The following MCPH1 variants were observed in gnomAD, a reference collection of about 807,000 sequenced individuals.
The protein encoded by MCPH1 is microcephalin 1.
MCPH1 carries 104 observed loss-of-function variants against 84.5 expected under a neutral mutation model. The ratio of observed to expected loss-of-function variants is 1.23; its 90% CI spans 1.05 to 1.45. The LOEUF (loss-of-function observed/expected upper bound fraction) is 1.45, where lower values mean the gene tolerates loss of function less well. MCPH1 is among the 40% of genes most tolerant of loss of function. The probability of loss-of-function intolerance (pLI) is 0.00; values close to 1 mark genes in which losing one functional copy is unlikely to be tolerated. For missense variants in MCPH1, 1,498 were observed against 1,005.7 expected (o/e 1.49, Z -6.62); for synonymous variants, 514 against 366.8 (o/e 1.40, Z -4.58).
chr8:6,631,572 A>G (rs961551897), intron 13 of MCPH1, among the ~76,000 whole-genome samples: 4 of 152,066 alleles, frequency 2.6e-5, no homozygotes, highest in African/African-American at 9.7e-5. Flanking sequence ...GATGCTTAAC[A>G]TTACTAATCA....
In MCPH1 at chr8:6,499,890, G is replaced by A. The variant is rs3860875; in HGVS notation, c.2175G>A (p.Glu725=). ...TAGAATTGGGTCACTGGATTTCTGA[G>A]GAGCCGTTCGAACTGTCTCACCACT... is the stretch of plus-strand genomic sequence containing the variant. The part of the protein sequence containing the change: ...WSLELGHWIS[E]EPFELSHHFP... The change falls in exon 12 of 14, where the codon GAG becomes GAA. Residue 725 remains glutamate (E), a synonymous_variant. Coordinates refer to ENST00000344683, the MANE Select transcript of MCPH1 (RefSeq NM_024596.5). 2 of 1,613,572 alleles carry A rather than the reference G, an allele frequency of 1.2e-6. No homozygotes were observed. The highest frequency in any genetic ancestry group is 2.2e-5 in the East Asian group (1 of 44,866).
chr8:6,424,465 C>A (rs1442235823), intron 3 of MCPH1, among the ~76,000 whole-genome samples: 1 of 152,154 alleles, frequency 6.6e-6, no homozygotes, highest in Non-Finnish European at 1.5e-5. Context: ...CCTTTCCTCC[C>A]GGAATCCTCA....
At chr8:6,477,099 A>G (rs1326236757) in intron 9 of MCPH1, among the ~76,000 whole-genome samples, 1 of 152,106 alleles carries the variant, frequency 6.6e-6, no homozygotes, top group Non-Finnish European at 1.5e-5. Flanking sequence ...AGATGTCAAT[A>G]GAACAAATAA....
intron 8 of MCPH1, 65 bp downstream of exon 8, chr8:6,445,612 T>G: frequency 7.9e-6 from 12 of 1,514,714 alleles, no homozygotes; most frequent in Non-Finnish European, 1.1e-5. Context: ...ATCCATATTT[T>G]AAATTTATCA....
In MCPH1 at chr8:6,547,387, G is replaced by T. The variant is rs17077477; in HGVS notation, c.2214+47458G>T. Among the ~76,000 whole-genome samples, 949 of 152,094 alleles carry T rather than the reference G, an allele frequency of 6.2e-3. 13 individuals are homozygous for T. Among genetic ancestry groups the T allele is most frequent in the African/African-American group, 0.021 (865 of 41,488 alleles). On this transcript the variant is annotated intron_variant, in intron 12 of 13. Transcript: ENST00000344683. ...CTCTTGCCTTGCATATGTGTCTCTT[G>T]CAATGGAAGCTAGTGGAAATTTCCT... is the stretch of plus-strand genomic sequence containing the variant.
intron 6 of MCPH1, among the ~76,000 whole-genome samples, chr8:6,441,642 C>G (rs1470531250): frequency 6.6e-6 from 1 of 152,182 alleles, no homozygotes; most frequent in Non-Finnish European, 1.5e-5. Context: ...GGGCACTGCC[C>G]TGTGTGTGGT....
Position 6,521,297 on chromosome 8 carries a change from A to G in MCPH1, c.2214+21368A>G, listed in dbSNP as rs761239406. ...CACTATTTTTTTTTCTAGTTCTTCA[A>G]TGATGGAATTTTGCTTGGATACTAA... On this transcript the variant is annotated intron_variant, in intron 12 of 13. Coordinates refer to ENST00000344683, the MANE Select transcript of MCPH1 (RefSeq NM_024596.5). 20 of 1,613,888 alleles carry G rather than the reference A, an allele frequency of 1.2e-5. No individual in the cohort carries two copies. The highest frequency in any genetic ancestry group is 2.2e-5 in the South Asian group (2 of 91,076).
At chr8:6,636,496 T>G (rs929833726) in intron 13 of MCPH1, among the ~76,000 whole-genome samples, 4 of 152,152 alleles carry the variant, frequency 2.6e-5, no homozygotes, top group African/African-American at 9.7e-5. Flanking sequence ...TGTTTATTTT[T>G]TGAAACAGAG....
chr8:6,515,299 G>A (rs1816038575), intron 12 of MCPH1, among the ~76,000 whole-genome samples: 2 of 152,122 alleles, frequency 1.3e-5, no homozygotes, highest in Admixed American at 1.3e-4. Flanking sequence ...GTACTGTGGG[G>A]CTGTTTGGCT....
intron 3 of MCPH1, 86 bp downstream of exon 3, chr8:6,414,969 A>G: frequency 5.1e-6 from 7 of 1,363,816 alleles, no homozygotes; most frequent in Non-Finnish European, 7.2e-6. Flanking sequence ...GCAGAACCAG[A>G]TAAAGTTTGA....
chr8:6,565,835 A>G (rs920623252), intron 12 of MCPH1, among the ~76,000 whole-genome samples: 3 of 152,222 alleles, frequency 2.0e-5, no homozygotes, highest in African/African-American at 4.8e-5. Flanking sequence ...CGGGTGCACA[A>G]TATGCCATGT....
intron 12 of MCPH1, among the ~76,000 whole-genome samples, chr8:6,506,946 G>C (rs1471828623): frequency 6.6e-6 from 1 of 151,818 alleles, no homozygotes; most frequent in Non-Finnish European, 1.5e-5. Context: ...CGTCCAGGCT[G>C]GATTGTACTG....
intron 12 of MCPH1, among the ~76,000 whole-genome samples, chr8:6,533,958 GT>G (rs1441768026): frequency 6.6e-6 from 1 of 152,134 alleles, no homozygotes; most frequent in Non-Finnish European, 1.5e-5. Context: ...GTATCAGATG[GT>G]TTTAGGATTA....
chr8:6,503,109 C>A, intron 12 of MCPH1: 2 of 1,614,166 alleles, frequency 1.2e-6, no homozygotes, highest in Admixed American at 1.7e-5. Context: ...GTTTAGAAAT[C>A]TGCTGGTCGG....
intron 9 of MCPH1, among the ~76,000 whole-genome samples, chr8:6,459,975 G>A (rs1806099789): frequency 1.3e-5 from 2 of 152,202 alleles, no homozygotes; most frequent in Non-Finnish European, 2.9e-5. Context: ...CTTCAGCCAC[G>A]GCCACGGGCT....
chr8:6,519,005 G>A (rs1463667566), intron 12 of MCPH1, among the ~76,000 whole-genome samples: 1 of 152,132 alleles, frequency 6.6e-6, no homozygotes, highest in Non-Finnish European at 1.5e-5. Context: ...GAATGACTGA[G>A]GTAAGCTGTG....
intron 4 of MCPH1, among the ~76,000 whole-genome samples, chr8:6,433,117 G>T (rs933305706): frequency 1.3e-5 from 2 of 152,142 alleles, no homozygotes; most frequent in African/African-American, 4.8e-5. Context: ...ACCATTTCAT[G>T]TCGGTAGCTT....
Position 6,607,242 on chromosome 8 carries a change from G to GCA in MCPH1, c.2215-14209_2215-14208dup, listed in dbSNP as rs1829857136. Reference sequence around the variant, plus strand: ...ACATCCTTGTCTCTGAAGACACAGAGCACAGAGAAGAATCAGAACAAACAG... The same window carrying GCA: ...ACATCCTTGTCTCTGAAGACACAGAGCACACAGAGAAGAATCAGAACAAACAG... On this transcript the variant is annotated intron_variant, in intron 12 of 13. Coordinates refer to ENST00000344683, the MANE Select transcript of MCPH1 (RefSeq NM_024596.5). Among the ~76,000 whole-genome samples, 4 of 152,282 alleles carry GCA rather than the reference G, an allele frequency of 2.6e-5. No individual in the cohort carries two copies. In the South Asian group the frequency reaches 8.3e-4, roughly 32 times the overall value.
intron 3 of MCPH1, among the ~76,000 whole-genome samples, chr8:6,427,837 G>A (rs944314343): frequency 2.0e-5 from 3 of 149,662 alleles, no homozygotes; most frequent in African/African-American, 7.4e-5. Flanking sequence ...CTGTCGCCCA[G>A]ACTGGAGTGC....
Sources: allele counts gnomAD v4.1 joint callset (sites outside exome capture counted in the v4.1 genomes callset), GRCh38; gene constraint gnomAD v4.1.1; transcripts MANE v1.5; gene names NCBI Gene and HGNC (gene_info 2026-07-23, HGNC 2026-07-21).